IMMP2L: variants seen among roughly 807,000 people sequenced by gnomAD.
IMMP2L encodes inner mitochondrial membrane peptidase subunit 2, also known as mitochondrial inner membrane protease subunit 2.
A neutral mutation model predicts 19.3 loss-of-function variants in IMMP2L; 18 were observed. That is an observed-to-expected ratio of 0.93 (90% CI 0.64 to 1.38). IMMP2L has a LOEUF of 1.38. Ranked by LOEUF, IMMP2L falls within the 40% of genes most tolerant of loss-of-function variation. IMMP2L has a pLI of 0.00. For missense variants in IMMP2L, 233 were observed against 218.2 expected (o/e 1.07, Z -0.43); for synonymous variants, 76 against 73.0 (o/e 1.04, Z -0.21).
At chr7:111,378,138 A>G (rs1009115490) in intron 3 of IMMP2L, among the ~76,000 whole-genome samples, 8 of 152,042 alleles carry the variant, frequency 5.3e-5, no homozygotes, top group African/African-American at 1.9e-4. Flanking sequence ...TTTACAATGT[A>G]GTTTGGCAGG....
At chr7:111,355,276 TATA>T (rs1828583170) in intron 3 of IMMP2L, among the ~76,000 whole-genome samples, 1 of 151,866 alleles carries the variant, frequency 6.6e-6, no homozygotes, top group Non-Finnish European at 1.5e-5. Context: ...AAGTTAAAAA[TATA>T]ATGTACATAA....
intron 5 of IMMP2L, among the ~76,000 whole-genome samples, chr7:110,787,016 T>C (rs1489233065): frequency 6.6e-6 from 1 of 152,046 alleles, no homozygotes; most frequent in Non-Finnish European, 1.5e-5. Flanking sequence ...GTGAAATTAC[T>C]TTCTTACTCT....
At chr7:111,480,973 T>A (rs1031967676) in intron 3 of IMMP2L, among the ~76,000 whole-genome samples, 9 of 152,136 alleles carry the variant, frequency 5.9e-5, no homozygotes, top group African/African-American at 1.9e-4. Flanking sequence ...ATCTTTCGTT[T>A]TTCTTTTTTC....
At chr7:110,783,256 T>C (rs1799861590) in intron 5 of IMMP2L, among the ~76,000 whole-genome samples, 1 of 151,826 alleles carries the variant, frequency 6.6e-6, no homozygotes, top group Non-Finnish European at 1.5e-5. Flanking sequence ...AAGCCCAGTA[T>C]TAATATTAAT....
intron 3 of IMMP2L, among the ~76,000 whole-genome samples, chr7:111,417,916 T>C (rs1835106762): frequency 6.6e-6 from 1 of 151,842 alleles, no homozygotes; most frequent in Non-Finnish European, 1.5e-5. Context: ...AAATACTATG[T>C]CTGTGAGTGA....
intron 5 of IMMP2L, among the ~76,000 whole-genome samples, chr7:110,788,107 TA>T (rs890507335): frequency 4.6e-5 from 7 of 150,866 alleles, no homozygotes; most frequent in African/African-American, 1.7e-4. Context: ...TCTTCCAGCC[TA>T]AAAAAAAATA....
intron 1 of IMMP2L, among the ~76,000 whole-genome samples, chr7:111,521,990 T>C (rs760094958): frequency 8.7e-4 from 133 of 152,170 alleles, no homozygotes; most frequent in Non-Finnish European, 8.2e-4. Context: ...ATAACTGTAA[T>C]ACTAACAATT....
chr7:111,481,214 T>C (rs1043515392), intron 3 of IMMP2L, among the ~76,000 whole-genome samples: 3 of 152,154 alleles, frequency 2.0e-5, no homozygotes, highest in Admixed American at 2.0e-4. Context: ...GGAACCACTG[T>C]ATCAGAAATT....
chr7:111,400,058 C>G (rs1486730317), intron 3 of IMMP2L, among the ~76,000 whole-genome samples: 2 of 151,906 alleles, frequency 1.3e-5, no homozygotes, highest in South Asian at 4.1e-4. Context: ...AATGTGATAC[C>G]TCTCCTGTGT....
At chr7:111,325,956 T>C (rs1825277140) in intron 3 of IMMP2L, among the ~76,000 whole-genome samples, 1 of 151,750 alleles carries the variant, frequency 6.6e-6, no homozygotes, top group African/African-American at 2.4e-5. Flanking sequence ...TAGTTTTGCC[T>C]ATAACTGAAT....
Position 111,123,286 on chromosome 7 carries a change from A to T in IMMP2L, c.240-159721T>A. ...ACATAATCTTCTTCGACTTCATCTC[A>T]ATTCAAATAGATTGCAGATGATCAA... On this transcript the variant is annotated intron_variant, in intron 3 of 5. Coordinates refer to ENST00000405709, the MANE Select transcript of IMMP2L (RefSeq NM_032549.4). The surrounding 1 kb of genome is among the most constrained non-coding windows in gnomAD (Gnocchi z 6.4). 6.2e-7 allele frequency: 1 copy of T among 1,613,782 alleles called. No individual in the cohort carries two copies. Among genetic ancestry groups the T allele is most frequent in the South Asian group, 1.1e-5 (1 of 91,034 alleles).
At chr7:111,354,224 A>C (rs1210952389) in intron 3 of IMMP2L, among the ~76,000 whole-genome samples, 1 of 152,034 alleles carries the variant, frequency 6.6e-6, no homozygotes, top group African/African-American at 2.4e-5. Flanking sequence ...ATATGACCAA[A>C]TAAGATTTAA....
chr7:111,264,699 C>T (rs999688754), intron 3 of IMMP2L, among the ~76,000 whole-genome samples: 9 of 151,164 alleles, frequency 6.0e-5, no homozygotes, highest in African/African-American at 2.2e-4. Context: ...AACTGGGAGG[C>T]TGCCCCACTA....
Position 111,414,499 on chromosome 7 carries a change from T to C in IMMP2L, c.239+72739A>G, listed in dbSNP as rs1563162530. Among the ~76,000 whole-genome samples the C allele has an allele frequency of 2.0e-5, 3 of 151,666 alleles. No individual in the cohort carries two copies. In the South Asian group the frequency reaches 6.2e-4, roughly 31 times the overall value. ...GTATAAACAGTAAAAAGAACAGTAG[T>C]AGGAGTAATGGGCAGGAGGAAGATA... On this transcript the variant is annotated intron_variant, in intron 3 of 5. Coordinates refer to ENST00000405709, the MANE Select transcript of IMMP2L (RefSeq NM_032549.4).
intron 5 of IMMP2L, among the ~76,000 whole-genome samples, chr7:110,695,955 T>C (rs534765071): frequency 6.6e-6 from 1 of 152,358 alleles, no homozygotes; most frequent in South Asian, 2.1e-4. Context: ...GCTGTGACTT[T>C]CAGAGGACGG....
At chr7:110,933,123 T>G (rs1230462621) in intron 4 of IMMP2L, among the ~76,000 whole-genome samples, 4 of 152,220 alleles carry the variant, frequency 2.6e-5, no homozygotes, top group African/African-American at 9.6e-5. Flanking sequence ...TTGAAAGCAC[T>G]GCTCCTTCAT....
intron 3 of IMMP2L, among the ~76,000 whole-genome samples, chr7:111,291,676 G>C (rs1821120773): frequency 6.6e-6 from 1 of 152,100 alleles, no homozygotes; most frequent in Non-Finnish European, 1.5e-5. Context: ...AAGCCTTAGT[G>C]ATCTGATGCA....
chr7:111,143,466 C>T (rs1803154182), intron 3 of IMMP2L, among the ~76,000 whole-genome samples: 1 of 152,110 alleles, frequency 6.6e-6, no homozygotes, highest in Admixed American at 6.6e-5. Context: ...CCGTGAAAGA[C>T]CAACAATTTT....
chr7:110,881,469 G>A (rs2129544942), intron 5 of IMMP2L, among the ~76,000 whole-genome samples: 1 of 152,130 alleles, frequency 6.6e-6, no homozygotes, highest in Non-Finnish European at 1.5e-5. Context: ...ATAAAATACA[G>A]ATTATTTTAG....
Sources: allele counts gnomAD v4.1 joint callset (sites outside exome capture counted in the v4.1 genomes callset), GRCh38; gene constraint gnomAD v4.1.1; non-coding constraint Gnocchi (gnomAD v3.1); transcripts MANE v1.5; gene names NCBI Gene and HGNC (gene_info 2026-07-23, HGNC 2026-07-21).